Variants in RALGPS1 observed in about 807,000 individuals in gnomAD.
RALGPS1 encodes the protein Ral GEF with PH domain and SH3 binding motif 1.
A neutral mutation model predicts 78.8 loss-of-function variants in RALGPS1; 19 were observed. The ratio of observed to expected loss-of-function variants is 0.24; its 90% CI spans 0.17 to 0.35. The LOEUF (loss-of-function observed/expected upper bound fraction) is 0.35, where lower values mean the gene tolerates loss of function less well. RALGPS1 is among the 10% of genes least tolerant of loss of function. The probability of loss-of-function intolerance (pLI) is 1.00; values close to 1 mark genes in which losing one functional copy is unlikely to be tolerated. For missense variants in RALGPS1, 454 were observed against 688.3 expected, an observed-to-expected ratio of 0.66 and a Z score of 3.81; for synonymous variants, 228 against 256.3, an observed-to-expected ratio of 0.89 and a Z score of 1.06.
At chr9:127,027,512 T>C (rs1396781899) in intron 4 of RALGPS1, among the ~76,000 whole-genome samples, 3 of 152,224 alleles carry the variant, frequency 2.0e-5, no homozygotes, top group Non-Finnish European at 1.5e-5. Context: ...CAGTGAAATA[T>C]ATACAAATAC....
chr9:127,180,083 CACG>C (rs1258470284), intron 11 of RALGPS1, among the ~76,000 whole-genome samples: 1 of 152,192 alleles, frequency 6.6e-6, no homozygotes, highest in Non-Finnish European at 1.5e-5. Context: ...CCAAGAATGC[CACG>C]TTTTCCATTT....
chr9:126,976,951 G>A (rs890667734), intron 3 of RALGPS1, among the ~76,000 whole-genome samples: 11 of 152,230 alleles, frequency 7.2e-5, no homozygotes, highest in Admixed American at 3.3e-4. Context: ...CCTGATGTGT[G>A]TCTTCTCTAT....
chr9:127,079,924 C>A (rs978224816), intron 8 of RALGPS1: 6 of 152,238 alleles, frequency 3.9e-5, no homozygotes, highest in Admixed American at 3.9e-4. Flanking sequence ...TATCACTACT[C>A]CACATTTATT....
At chr9:127,140,677 C>A (rs2057710327) in intron 8 of RALGPS1, among the ~76,000 whole-genome samples, 3 of 152,198 alleles carry the variant, frequency 2.0e-5, no homozygotes, top group African/African-American at 7.2e-5. Flanking sequence ...TCTCATTATA[C>A]CTTTCTATAT....
intron 11 of RALGPS1, chr9:127,178,285 C>T (rs902356918): frequency 1.7e-4 from 58 of 348,398 alleles, no homozygotes; most frequent in Middle Eastern, 2.1e-3. Context: ...GGAGATGCAT[C>T]TCAGGGGTCA....
intron 1 of RALGPS1, among the ~76,000 whole-genome samples, chr9:126,954,965 T>C (rs1476319530): frequency 6.6e-6 from 1 of 152,234 alleles, no homozygotes; most frequent in East Asian, 1.9e-4. Context: ...CCCTCCATGA[T>C]AAACCTGCTA....
At chr9:127,108,110 G>T (rs1330947252) in intron 8 of RALGPS1, 7 of 1,612,946 alleles carry the variant, frequency 4.3e-6, no homozygotes, top group Non-Finnish European at 5.9e-6. Context: ...CTGGCCGAGG[G>T]CACCCTCTGG....
chr9:127,199,410 A>G (rs1479175475), intron 14 of RALGPS1, among the ~76,000 whole-genome samples: 1 of 152,194 alleles, frequency 6.6e-6, no homozygotes, highest in Non-Finnish European at 1.5e-5. Flanking sequence ...TGAGATGGGC[A>G]TGTGGCTCCG....
At chr9:127,042,133 G>GT (rs1425824430) in intron 5 of RALGPS1, among the ~76,000 whole-genome samples, 2 of 151,900 alleles carry the variant, frequency 1.3e-5, no homozygotes, top group Admixed American at 6.6e-5. Flanking sequence ...TTCTTTGATT[G>GT]TTTTTTTCAT....
At chr9:126,955,464 C>T (rs1434871233) in intron 1 of RALGPS1, among the ~76,000 whole-genome samples, 3 of 152,246 alleles carry the variant, frequency 2.0e-5, no homozygotes, top group Non-Finnish European at 2.9e-5. Flanking sequence ...ACATAACATT[C>T]GTGGGCAACT....
intron 3 of RALGPS1, among the ~76,000 whole-genome samples, chr9:126,970,442 A>G (rs1392743157): frequency 6.6e-6 from 1 of 152,216 alleles, no homozygotes; most frequent in African/African-American, 2.4e-5. Context: ...GATTTTGACT[A>G]TTCAAATAAT....
At chr9:127,187,469 G>A (rs2060725740) in intron 11 of RALGPS1, among the ~76,000 whole-genome samples, 1 of 152,202 alleles carries the variant, frequency 6.6e-6, no homozygotes, top group African/African-American at 2.4e-5. Context: ...CTGTAAAATG[G>A]GGCTACTAAG....
At chr9:126,937,534 T>C (rs948834986) in intron 1 of RALGPS1, among the ~76,000 whole-genome samples, 1 of 152,186 alleles carries the variant, frequency 6.6e-6, no homozygotes, top group East Asian at 1.9e-4. Flanking sequence ...AGTAAAAAGA[T>C]GGGCAGTCTA....
At chr9:127,206,643 C>T (rs904392198) in intron 14 of RALGPS1, among the ~76,000 whole-genome samples, 1 of 152,130 alleles carries the variant, frequency 6.6e-6, no homozygotes, top group African/African-American at 2.4e-5. Context: ...CACAGCCAAA[C>T]CATATCAGGG....
intron 1 of RALGPS1, among the ~76,000 whole-genome samples, chr9:126,936,282 A>G (rs1455952998): frequency 6.6e-6 from 1 of 152,240 alleles, no homozygotes; most frequent in Non-Finnish European, 1.5e-5. Context: ...CAAGCTTCAT[A>G]CTTGCAGCTG....
intron 1 of RALGPS1, among the ~76,000 whole-genome samples, chr9:126,920,222 T>A (rs1225605009): frequency 6.6e-6 from 1 of 152,084 alleles, no homozygotes; most frequent in Non-Finnish European, 1.5e-5. Flanking sequence ...GGTGGCAAAT[T>A]CTTATTTATA....
At chr9:126,957,795 G>A (rs1385411312) in intron 1 of RALGPS1, among the ~76,000 whole-genome samples, 1 of 151,964 alleles carries the variant, frequency 6.6e-6, no homozygotes, top group Non-Finnish European at 1.5e-5. Context: ...CCTCCTCTCA[G>A]TGCCGTCTCT....
At chr9:127,172,724 T>C (rs1295063977) in intron 10 of RALGPS1, among the ~76,000 whole-genome samples, 1 of 152,236 alleles carries the variant, frequency 6.6e-6, no homozygotes, top group African/African-American at 2.4e-5. Context: ...ATCTCCTTTT[T>C]TCTTCTCATT....
intron 7 of RALGPS1, among the ~76,000 whole-genome samples, chr9:127,058,316 C>T (rs1409995623): frequency 2.0e-5 from 3 of 152,136 alleles, no homozygotes; most frequent in South Asian, 2.1e-4. Flanking sequence ...AAACAGGAGG[C>T]GGACACAATC....
Sources: gnomAD v4.1 joint callset for allele counts (sites outside exome capture counted in the v4.1 genomes callset) on GRCh38, gnomAD v4.1.1 for gene constraint, MANE v1.5 for transcripts, NCBI Gene and HGNC (gene_info 2026-07-23, HGNC 2026-07-21) for gene names.